The following SOX5 variants were observed in gnomAD, a reference collection of about 807,000 sequenced individuals.
The protein encoded by SOX5 is transcription factor SOX-5.
A neutral mutation model predicts 92.0 loss-of-function variants in SOX5; 9 were observed. The ratio of observed to expected loss-of-function variants is 0.10; its 90% confidence interval spans 0.06 to 0.17. The LOEUF is 0.17. Among genes scored for constraint, SOX5 ranks in the 10% least tolerant of loss-of-function variants. The pLI is 1.00. For missense variants in SOX5, 642 were observed against 944.5 expected, an observed-to-expected ratio of 0.68 and a Z score of 4.20; for synonymous variants, 344 against 336.3, an observed-to-expected ratio of 1.02 and a Z score of -0.25.
chr12:23,717,784 T>C (rs2092593082), intron 6 of SOX5, among the ~76,000 whole-genome samples: 1 of 152,180 alleles, frequency 6.6e-6, no homozygotes, highest in Admixed American at 6.5e-5. Context: ...ATACAGCACA[T>C]CCTGAGGTTA....
upstream of SOX5, chr12:23,950,969 ACACGCATG>A: frequency 1.1e-6 from 1 of 884,202 alleles, no homozygotes; most frequent in Non-Finnish European, 1.8e-6. Flanking sequence ...CATTCTTCAC[ACACGCATG>A]CACACACACA....
At position 23,635,268 on chromosome 12, in the gene SOX5, T is replaced by C. The variant is rs1012819764; in HGVS notation, c.1017+5544A>G. Among the ~76,000 whole-genome samples, 10 of 152,118 alleles carry C rather than the reference T, an allele frequency of 6.6e-5. No individual in the cohort carries two copies. In the East Asian group the frequency reaches 1.9e-3, roughly 29 times the overall value. On this transcript the variant is annotated intron_variant, in intron 8 of 14. Coordinates refer to ENST00000451604, the MANE Select transcript of SOX5 (RefSeq NM_006940.6). The stretch of plus-strand genomic sequence containing the variant: ...TATTCCAGGAAGAGAAAACACCACT[T>C]GTAAAGATCCAGGGTGGAGAAAGAA...
At chr12:23,872,379 T>A (rs1469866056) in intron 2 of SOX5, among the ~76,000 whole-genome samples, 1 of 151,818 alleles carries the variant, frequency 6.6e-6, no homozygotes, top group Non-Finnish European at 1.5e-5. Flanking sequence ...ACTTACTGAC[T>A]AACAATTCTA....
At chr12:23,563,042 A>G (rs991956365) in intron 11 of SOX5, among the ~76,000 whole-genome samples, 3 of 152,182 alleles carry the variant, frequency 2.0e-5, no homozygotes, top group African/African-American at 7.2e-5. Flanking sequence ...ATTCATTGTC[A>G]ATAAGGTTTG....
intron 4 of SOX5, among the ~76,000 whole-genome samples, chr12:24,132,909 T>A (rs539446709): frequency 1.2e-4 from 18 of 152,318 alleles, no homozygotes; most frequent in African/African-American, 3.8e-4. Context: ...GACAACAACC[T>A]GTCCATGCCT....
intron 4 of SOX5, among the ~76,000 whole-genome samples, chr12:24,039,354 T>C (rs1277923054): frequency 6.6e-6 from 1 of 152,192 alleles, no homozygotes; most frequent in Non-Finnish European, 1.5e-5. Flanking sequence ...TTTAAAACTT[T>C]AAAGTATATT....
intron 2 of SOX5, among the ~76,000 whole-genome samples, chr12:24,289,784 A>T (rs940800109): frequency 7.9e-5 from 12 of 152,150 alleles, no homozygotes; most frequent in Admixed American, 7.2e-4. Flanking sequence ...GCCTTAGAAG[A>T]TAGAGCTATT....
intron 7 of SOX5, among the ~76,000 whole-genome samples, chr12:23,660,472 G>A (rs1036727243): frequency 2.0e-5 from 3 of 152,136 alleles, no homozygotes; most frequent in African/African-American, 7.2e-5. Context: ...CTCCTTCAAA[G>A]TACCTCTCTA....
At chr12:24,100,148 AAATAG>A (rs1186645271) in intron 4 of SOX5, among the ~76,000 whole-genome samples, 2 of 152,148 alleles carry the variant, frequency 1.3e-5, no homozygotes, top group Admixed American at 1.3e-4. Context: ...GGATCATGGA[AAATAG>A]AATATCAAAC....
At chr12:24,053,968 A>G (rs900469514) in intron 4 of SOX5, among the ~76,000 whole-genome samples, 1 of 152,212 alleles carries the variant, frequency 6.6e-6, no homozygotes, top group Non-Finnish European at 1.5e-5. Flanking sequence ...AAGTAATGAA[A>G]CAGAGATTCT....
chr12:23,913,741 GAA>G (rs765548695), intron 1 of SOX5, among the ~76,000 whole-genome samples: 5 of 58,058 alleles, frequency 8.6e-5, no homozygotes, highest in South Asian at 5.8e-4. Flanking sequence ...TGTCTCAGAA[GAA>G]AAAAAAAAAA....
At chr12:24,493,757 G>C (rs187324315) in intron 1 of SOX5, among the ~76,000 whole-genome samples, 2 of 151,950 alleles carry the variant, frequency 1.3e-5, no homozygotes, top group Non-Finnish European at 2.9e-5. Flanking sequence ...CCAGCTACTC[G>C]GGAGGCTGAG....
intron 1 of SOX5, among the ~76,000 whole-genome samples, chr12:23,922,574 G>A (rs7970953): frequency 0.31 from 47,761 of 152,052 alleles, 8,229 homozygotes; most frequent in East Asian, 0.7. Context: ...ATATGCACAG[G>A]TGAAGTTGAA....
chr12:24,552,490 T>C (rs1196413954), intron 1 of SOX5, among the ~76,000 whole-genome samples: 1 of 152,254 alleles, frequency 6.6e-6, no homozygotes, highest in Non-Finnish European at 1.5e-5. Flanking sequence ...TTTCAACAAA[T>C]ATCCCAAGTG....
chr12:23,838,483 A>G (rs991253624), intron 3 of SOX5, among the ~76,000 whole-genome samples: 3 of 151,950 alleles, frequency 2.0e-5, no homozygotes, highest in African/African-American at 7.2e-5. Context: ...ACATCAATGC[A>G]TCTTAGTGGT....
intron 4 of SOX5, among the ~76,000 whole-genome samples, chr12:24,053,577 C>T (rs1038460305): frequency 1.6e-4 from 24 of 152,154 alleles, no homozygotes; most frequent in African/African-American, 5.8e-4. Flanking sequence ...TACCAAATCC[C>T]TATAAATAGT....
intron 4 of SOX5, among the ~76,000 whole-genome samples, chr12:24,004,688 A>C (rs1290282546): frequency 6.6e-6 from 1 of 152,154 alleles, no homozygotes; most frequent in Non-Finnish European, 1.5e-5. Context: ...CAAATCACGC[A>C]GCCACATTGA....
At chr12:24,086,360 T>A (rs1461899717) in intron 4 of SOX5, among the ~76,000 whole-genome samples, 2 of 151,990 alleles carry the variant, frequency 1.3e-5, no homozygotes, top group African/African-American at 4.8e-5. Flanking sequence ...CAATGCTAAA[T>A]TCCTACAGTG....
chr12:23,738,864 T>C (rs1388163038), intron 5 of SOX5, among the ~76,000 whole-genome samples: 4 of 152,180 alleles, frequency 2.6e-5, no homozygotes, highest in Non-Finnish European at 5.9e-5. Context: ...CAGGCAAGCA[T>C]TCTGAACTCT....
Sources: allele counts gnomAD v4.1 joint callset (sites outside exome capture counted in the v4.1 genomes callset), GRCh38; gene constraint gnomAD v4.1.1; transcripts MANE v1.5; gene names NCBI Gene and HGNC (gene_info 2026-07-23, HGNC 2026-07-21).